The following ZNF654 variants were observed in gnomAD, a reference collection of about 807,000 sequenced individuals.
ZNF654 encodes the protein zinc finger protein 654, also known as melanoma-associated antigen.
Under a neutral mutation model 95.3 loss-of-function variants are expected in ZNF654, and 19 were observed. The ratio of observed to expected loss-of-function variants is 0.20; its 90% CI spans 0.14 to 0.29. The LOEUF is 0.29. Ranked by LOEUF, ZNF654 falls within the 10% of genes least tolerant of loss-of-function variation. The probability of loss-of-function intolerance (pLI) is 1.00; values close to 1 mark genes in which losing one functional copy is unlikely to be tolerated. For missense variants in ZNF654, 1,046 were observed against 1,341.0 expected (o/e 0.78, Z 3.44); for synonymous variants, 413 against 457.9 (o/e 0.90, Z 1.25).
intron 6 of ZNF654, among the ~76,000 whole-genome samples, chr3:88,130,502 A>C (rs1426746528): frequency 3.9e-5 from 6 of 152,012 alleles, no homozygotes; most frequent in Non-Finnish European, 8.8e-5. Context: ...CTCAGGCTAG[A>C]ATACAGTGGT....
intron 2 of ZNF654, among the ~76,000 whole-genome samples, chr3:88,101,316 G>T (rs1021999462): frequency 2.0e-5 from 3 of 151,996 alleles, no homozygotes; most frequent in Non-Finnish European, 2.9e-5. Context: ...CTACTGCTCT[G>T]CTTTCTATCT....
chr3:88,091,389 G>C (rs1708623714), intron 2 of ZNF654, among the ~76,000 whole-genome samples: 1 of 152,124 alleles, frequency 6.6e-6, no homozygotes, highest in African/African-American at 2.4e-5. Flanking sequence ...ACTGATTTTT[G>C]AGGAAAATAT....
intron 1 of ZNF654, among the ~76,000 whole-genome samples, chr3:88,060,142 G>A (rs376378500): frequency 1.3e-4 from 20 of 152,080 alleles, no homozygotes; most frequent in African/African-American, 4.6e-4. Flanking sequence ...TCCTTCGGTT[G>A]ACACACGCAC....
intron 3 of ZNF654, among the ~76,000 whole-genome samples, chr3:88,114,528 C>T (rs1705273140): frequency 6.6e-6 from 1 of 152,106 alleles, no homozygotes; most frequent in African/African-American, 2.4e-5. Context: ...CTGCTCTGAT[C>T]CTTTGACACT....
intron 2 of ZNF654, among the ~76,000 whole-genome samples, chr3:88,092,933 A>T (rs1403160179): frequency 6.6e-6 from 1 of 152,176 alleles, no homozygotes; most frequent in Non-Finnish European, 1.5e-5. Context: ...AGGAAAGTGG[A>T]TTCTGCTTTT....
chr3:88,081,426 C>T (rs971541244), intron 1 of ZNF654, among the ~76,000 whole-genome samples: 4 of 152,040 alleles, frequency 2.6e-5, no homozygotes, highest in African/African-American at 7.2e-5. Context: ...CTATTAGCAT[C>T]GATGCATGGA....
chr3:88,064,718 T>C (rs186922341), intron 1 of ZNF654, among the ~76,000 whole-genome samples: 133 of 152,354 alleles, frequency 8.7e-4, no homozygotes, highest in Non-Finnish European at 1.5e-3. Flanking sequence ...CTCTCCTTTT[T>C]CATTGCTTTG....
chr3:88,103,168 T>C (rs1559712131), intron 2 of ZNF654, among the ~76,000 whole-genome samples: 3 of 151,766 alleles, frequency 2.0e-5, no homozygotes, highest in Admixed American at 2.0e-4. Context: ...ACAGACACAT[T>C]TTTTTTTAAA....
Position 88,139,334 on chromosome 3 carries a change from AGGT to A in ZNF654, c.1669_1671del (p.Gly557del). ...GTATGTTATGTAACAAGGAATTTTT[AGGT>A]GGTCACATTGTAAGGCATGCCCAGG... On this transcript the variant is annotated inframe_deletion, in exon 8 of 9. Transcript: ENST00000636215. The A allele has an allele frequency of 6.2e-7, 1 of 1,606,112 alleles. No individual in the cohort carries two copies. The highest frequency in any genetic ancestry group is 8.5e-7 in the Non-Finnish European group (1 of 1,177,318).
chr3:88,126,049 A>G, intron 3 of ZNF654, 85 bp from the exon 4 acceptor site: 1 of 1,287,680 alleles, frequency 7.8e-7, no homozygotes. Context: ...CTCACTGGCC[A>G]TCAGTCATTT....
At chr3:88,108,494 CA>C (rs2107746694) in intron 2 of ZNF654, among the ~76,000 whole-genome samples, 1 of 152,170 alleles carries the variant, frequency 6.6e-6, no homozygotes, top group Non-Finnish European at 1.5e-5. Context: ...AACCATGGTC[CA>C]AAAATGTTAA....
In ZNF654 at chr3:88,095,947, C is replaced by T. The variant is rs1308318288; in HGVS notation, c.332+9545C>T. 8.7e-6 allele frequency: 3 copies of T among 345,150 alleles called. No individual in the cohort carries two copies. In the Admixed American group the frequency reaches 1.2e-4, roughly 14 times the overall value. The allele number at this position is 345,150 out of a possible 1,614,324, so 21.4% of individuals were successfully genotyped here. A position where few individuals can be genotyped will look rare whatever the true frequency, so the allele number is the denominator to read the frequency against. On this transcript the variant is annotated intron_variant, in intron 2 of 8. Coordinates refer to ENST00000636215, the MANE Select transcript of ZNF654 (RefSeq NM_001350134.2). ...TCTTCATTCTCTGATGAAATGTTAG[C>T]TGTGTGCTTGGTTTTCTTTCCCGTG...
At chr3:88,123,848 T>C (rs1186635847) in intron 3 of ZNF654, among the ~76,000 whole-genome samples, 1 of 152,074 alleles carries the variant, frequency 6.6e-6, no homozygotes, top group Non-Finnish European at 1.5e-5. Context: ...TAGCTTAGAG[T>C]AGTTGAATTT....
intron 3 of ZNF654, among the ~76,000 whole-genome samples, chr3:88,115,060 G>A (rs908958703): frequency 5.3e-5 from 8 of 152,008 alleles, no homozygotes; most frequent in African/African-American, 1.4e-4. Context: ...GTTCTTTCTC[G>A]TCTCCCATAA....
intron 2 of ZNF654, among the ~76,000 whole-genome samples, chr3:88,109,474 A>G (rs1704959297): frequency 6.6e-6 from 1 of 152,162 alleles, no homozygotes; most frequent in Non-Finnish European, 1.5e-5. Context: ...TAAATTGGTA[A>G]GTGGATTTCT....
intron 1 of ZNF654, among the ~76,000 whole-genome samples, chr3:88,069,339 T>C (rs1042095057): frequency 7.9e-5 from 12 of 152,126 alleles, no homozygotes; most frequent in African/African-American, 2.9e-4. Context: ...GGAGAATCAC[T>C]TGAACTCTGG....
chr3:88,135,509 A>C, intron 7 of ZNF654: 1 of 183,430 alleles, frequency 5.5e-6, no homozygotes, highest in Non-Finnish European at 1.1e-5. Flanking sequence ...ACTAATTTGC[A>C]AATAAACTTG....
intron 2 of ZNF654, among the ~76,000 whole-genome samples, chr3:88,092,137 C>A (rs1038418473): frequency 2.0e-5 from 3 of 151,932 alleles, no homozygotes; most frequent in Non-Finnish European, 4.4e-5. Flanking sequence ...ATTTTCCATA[C>A]CAGAAGAAAA....
At chr3:88,111,917 G>A (rs1397793292) in intron 2 of ZNF654, among the ~76,000 whole-genome samples, 22 of 151,896 alleles carry the variant, frequency 1.4e-4, no homozygotes, top group Non-Finnish European at 3.1e-4. Context: ...ATAAGAGCAT[G>A]TTTTTCTATT....
Sources: allele counts gnomAD v4.1 joint callset (sites outside exome capture counted in the v4.1 genomes callset), GRCh38; gene constraint gnomAD v4.1.1; transcripts MANE v1.5; gene names NCBI Gene and HGNC (gene_info 2026-07-23, HGNC 2026-07-21).